The following G2E3 variants were observed in gnomAD, a reference collection of about 807,000 sequenced individuals.
The protein encoded by G2E3 is G2/M phase-specific E3 ubiquitin-protein ligase.
A neutral mutation model predicts 92.8 loss-of-function variants in G2E3; 35 were observed. That is an observed-to-expected ratio of 0.38 (90% CI 0.29 to 0.50). The LOEUF (loss-of-function observed/expected upper bound fraction) is 0.50, where lower values mean the gene tolerates loss of function less well. G2E3 is among the 20% of genes least tolerant of loss of function. The pLI is 0.94. For missense variants in G2E3, 554 were observed against 823.8 expected (o/e 0.67, Z 4.01); for synonymous variants, 242 against 272.4 (o/e 0.89, Z 1.10).
intron 13 of G2E3, among the ~76,000 whole-genome samples, chr14:30,613,795 C>T (rs10148858): frequency 0.065 from 9,812 of 151,486 alleles, 440 homozygotes; most frequent in African/African-American, 0.12. Context: ...TTTTACTTAA[C>T]ATTTTCTTTG....
intron 3 of G2E3, among the ~76,000 whole-genome samples, chr14:30,587,684 T>G (rs768289165): frequency 1.5e-4 from 23 of 152,116 alleles, no homozygotes; most frequent in Admixed American, 2.6e-4. Flanking sequence ...CAATTTCTCC[T>G]AGCTAGCGTC....
In G2E3 at chr14:30,598,540, G is replaced by A. The variant is rs374865082; in HGVS notation, c.693G>A (p.Glu231=). The A allele has an allele frequency of 6.8e-6, 11 of 1,613,902 alleles. No homozygotes were observed. The highest frequency in any genetic ancestry group is 1.1e-5 in the South Asian group (1 of 91,092). ...NAYQELLQHY[E]RCDVRRCRCK... The stretch of plus-strand genomic sequence containing the variant: ...ATCAAGAGCTTCTGCAGCACTATGA[G>A]CGTTGTGATGTTCGAAGATGTCGTT... Residue 231 remains glutamate, a synonymous_variant, in exon 8 of 15, where the codon GAG becomes GAA. Coordinates refer to ENST00000206595, the MANE Select transcript of G2E3 (RefSeq NM_017769.5).
At chr14:30,574,366 G>C (rs1046976426) in intron 1 of G2E3, among the ~76,000 whole-genome samples, 12 of 151,482 alleles carry the variant, frequency 7.9e-5, no homozygotes, top group African/African-American at 2.9e-4. Context: ...GCAGGATACA[G>C]TCCAGGATCC....
In G2E3 at chr14:30,581,090, G is replaced by T; in HGVS notation, c.11G>T (p.Ser4Ile). The stretch of plus-strand genomic sequence containing the variant: ...ATTTTTCCTAGTAAAATGAATGAAA[G>T]TAAACCTGGTGACTCACAGAACCTT... Reference protein sequence around the residue: MNESKPGDSQNLAC... With the variant: MNEIKPGDSQNLAC... Residue 4 changes from serine (S) to isoleucine (I), a missense_variant, in exon 2 of 15, where the codon AGT becomes ATT. Around this residue, in one of 3 missense-constraint regions of G2E3, gnomAD observed 137 missense variants for 201.3 expected, o/e 0.68. Transcript: ENST00000206595. The T allele has an allele frequency of 6.8e-7, 1 of 1,478,770 alleles. No individual in the cohort carries two copies. Among genetic ancestry groups the T allele is most frequent in the African/African-American group, 1.4e-5 (1 of 72,450 alleles). The allele number at this position is 1,478,770 out of a possible 1,614,324, so 91.6% of individuals were successfully genotyped here. A position where few individuals can be genotyped will look rare whatever the true frequency, so the allele number is the denominator to read the frequency against.
intron 12 of G2E3, among the ~76,000 whole-genome samples, chr14:30,610,745 A>G (rs759267560): frequency 2.0e-5 from 3 of 152,240 alleles, no homozygotes; most frequent in Non-Finnish European, 4.4e-5. Flanking sequence ...TGGCTCAAAC[A>G]AGGCAGATGT....
At position 30,578,646 on chromosome 14, in the gene G2E3, C is replaced by A. The variant is rs574083786; in HGVS notation, c.-4-2430C>A. Among the ~76,000 whole-genome samples, 12 of 152,232 alleles carry A rather than the reference C, an allele frequency of 7.9e-5. No individual in the cohort carries two copies. The East Asian group carries it at 2.3e-3, about 29-fold the overall frequency. ...TGTATTGTCGAATGACTAAAACATC[C>A]TTTATAAATTAAACTTTTTATGTTT... is the stretch of plus-strand genomic sequence containing the variant. On this transcript the variant is annotated intron_variant, in intron 1 of 14. Transcript: ENST00000206595.
chr14:30,594,428 G>A (rs962972153), intron 6 of G2E3, among the ~76,000 whole-genome samples: 2 of 152,128 alleles, frequency 1.3e-5, no homozygotes, highest in African/African-American at 2.4e-5. Flanking sequence ...GGTGGCTCAC[G>A]CCTGTAATCC....
At chr14:30,560,565 A>T in intron 1 of G2E3, 1 of 504,148 alleles carries the variant, frequency 2.0e-6, no homozygotes, top group African/African-American at 1.9e-5. Flanking sequence ...GACATTGGCT[A>T]TACTTCTCTA....
At chr14:30,604,097 A>T (rs927634470) in intron 10 of G2E3, among the ~76,000 whole-genome samples, 1 of 152,230 alleles carries the variant, frequency 6.6e-6, no homozygotes, top group African/African-American at 2.4e-5. Flanking sequence ...AAGACGCTAC[A>T]CCAGGGAAGC....
chr14:30,576,511 T>A (rs1417994652), intron 1 of G2E3, among the ~76,000 whole-genome samples: 1 of 152,066 alleles, frequency 6.6e-6, no homozygotes. Flanking sequence ...AAAGCAAAAA[T>A]TGACAAGTGG....
chr14:30,567,932 T>A (rs1275395844), intron 1 of G2E3, among the ~76,000 whole-genome samples: 1 of 152,156 alleles, frequency 6.6e-6, no homozygotes, highest in Non-Finnish European at 1.5e-5. Context: ...TTGTAAAATG[T>A]ATTATTTTGT....
At chr14:30,610,825 G>A (rs919302859) in intron 12 of G2E3, among the ~76,000 whole-genome samples, 9 of 152,152 alleles carry the variant, frequency 5.9e-5, no homozygotes, top group Non-Finnish European at 1.2e-4. Context: ...TGTAAGTCAC[G>A]TTCTGGCTTG....
intron 5 of G2E3, among the ~76,000 whole-genome samples, chr14:30,592,815 G>A (rs79891504): frequency 0.035 from 5,381 of 152,076 alleles, 128 homozygotes; most frequent in Middle Eastern, 0.061. Flanking sequence ...TATGCATTTC[G>A]AGTAAATCAA....
At chr14:30,561,641 TG>T (rs1292963438) in intron 1 of G2E3, among the ~76,000 whole-genome samples, 3 of 152,222 alleles carry the variant, frequency 2.0e-5, no homozygotes, top group Non-Finnish European at 4.4e-5. Context: ...TTTACTCAAA[TG>T]GGTTTAAAGA....
chr14:30,612,126 A>C (rs772811652), intron 12 of G2E3, 81 bp from the exon 13 acceptor site: 2 of 967,434 alleles, frequency 2.1e-6, no homozygotes, highest in Admixed American at 4.1e-5. Context: ...ATTTGAGTAT[A>C]AATTAACAAG....
At chr14:30,564,197 C>A (rs1219788301) in intron 1 of G2E3, among the ~76,000 whole-genome samples, 1 of 152,140 alleles carries the variant, frequency 6.6e-6, no homozygotes, top group Non-Finnish European at 1.5e-5. Context: ...TATCCATATA[C>A]ATTGTTACAG....
At chr14:30,577,403 T>C (rs1224126090) in intron 1 of G2E3, among the ~76,000 whole-genome samples, 1 of 152,160 alleles carries the variant, frequency 6.6e-6, no homozygotes, top group Non-Finnish European at 1.5e-5. Flanking sequence ...AATAAACATT[T>C]AATTACTGAT....
chr14:30,571,969 A>G (rs1004474942), intron 1 of G2E3, among the ~76,000 whole-genome samples: 1 of 146,764 alleles, frequency 6.8e-6, no homozygotes, highest in African/African-American at 2.5e-5. Context: ...CCTGCTGGGG[A>G]TTTTGGTTGG....
chr14:30,582,274 CA>C (rs1833464849), intron 2 of G2E3, among the ~76,000 whole-genome samples: 1 of 152,120 alleles, frequency 6.6e-6, no homozygotes. Flanking sequence ...CTACACTAGA[CA>C]CCAATCTTAA....
Sources: allele counts gnomAD v4.1 joint callset (sites outside exome capture counted in the v4.1 genomes callset), GRCh38; gene constraint gnomAD v4.1.1; regional missense constraint gnomAD v4.1.1; transcripts MANE v1.5; gene names NCBI Gene and HGNC (gene_info 2026-07-23, HGNC 2026-07-21).